The following NRCAM variants were observed in gnomAD, a reference collection of about 807,000 sequenced individuals.
NRCAM encodes the protein neuronal cell adhesion molecule.
NRCAM carries 83 observed loss-of-function variants against 156.5 expected under a neutral mutation model. That is an observed-to-expected ratio of 0.53 (90% confidence interval 0.44 to 0.64). The LOEUF (loss-of-function observed/expected upper bound fraction) is 0.64. Among genes scored for constraint, NRCAM ranks in the 30% least tolerant of loss-of-function variants. The pLI is 0.00. For synonymous variants in NRCAM, 538 were observed against 563.9 expected, an observed-to-expected ratio of 0.95 and a Z score of 0.65; for missense variants, 1,417 against 1,597.3, an observed-to-expected ratio of 0.89 and a Z score of 1.92.
chr7:108,184,076 T>A (rs556149648), intron 22 of NRCAM, among the ~76,000 whole-genome samples, 165 bp downstream of exon 22: 1 of 151,594 alleles, frequency 6.6e-6, no homozygotes, highest in East Asian at 2.0e-4. Flanking sequence ...AGCAACTATA[T>A]AATACTGCCT....
At chr7:108,264,600 G>T (rs1429954155) in intron 3 of NRCAM, among the ~76,000 whole-genome samples, 3 of 152,136 alleles carry the variant, frequency 2.0e-5, no homozygotes, top group Non-Finnish European at 4.4e-5. Flanking sequence ...ATCTTAACTG[G>T]CATCAATCGT....
intron 1 of NRCAM, among the ~76,000 whole-genome samples, chr7:108,439,358 T>C (rs1366644016): frequency 6.6e-6 from 1 of 152,152 alleles, no homozygotes; most frequent in African/African-American, 2.4e-5. Context: ...GGAACTTGTA[T>C]CCAGAAAATA....
intron 28 of NRCAM, 66 bp downstream of exon 28, chr7:108,175,256 C>T: frequency 1.5e-6 from 2 of 1,306,100 alleles, no homozygotes; most frequent in African/African-American, 1.5e-5. Context: ...ACCCATGCTG[C>T]ACTTCCCCAT....
In NRCAM at chr7:108,283,315, A is replaced by G. The variant is rs1382895564; in HGVS notation, c.-107+29350T>C. Among the ~76,000 whole-genome samples the G allele has an allele frequency of 2.0e-5, 3 of 152,242 alleles. No individual in the cohort carries two copies. In the East Asian group the frequency reaches 5.8e-4, roughly 29 times the overall value. On this transcript the variant is annotated intron_variant, in intron 3 of 32. Transcript: ENST00000379028. ...TGATTTGTGTGCTTTGCAACTAAGC[A>G]GAAAGTACAATTACATGAGTGATCA...
intron 1 of NRCAM, among the ~76,000 whole-genome samples, chr7:108,449,896 T>C (rs1848400961): frequency 6.9e-6 from 1 of 144,244 alleles, no homozygotes; most frequent in Non-Finnish European, 1.5e-5. Context: ...CAGATTGCCC[T>C]AGAAATAGAT....
chr7:108,209,869 A>C (rs1222588252), intron 11 of NRCAM, among the ~76,000 whole-genome samples: 1 of 152,200 alleles, frequency 6.6e-6, no homozygotes, highest in East Asian at 1.9e-4. Context: ...TGCTTTACTG[A>C]TGGGGCCTAA....
intron 2 of NRCAM, among the ~76,000 whole-genome samples, chr7:108,387,841 G>A (rs61706640): frequency 6.6e-6 from 1 of 151,848 alleles, no homozygotes; most frequent in Non-Finnish European, 1.5e-5. Context: ...AGTTTGCTGA[G>A]AATGATGGTT....
chr7:108,194,180 TAG>T lies in NRCAM; in HGVS notation c.1631-11_1631-10del. ...AACGATCCATGTAGGATCTGAAATG[TAG>T]AGTCATCGTTATCCATTTGGCAAAG... On this transcript the variant is annotated splice_polypyrimidine_tract_variant and intron_variant, in intron 16 of 32. Transcript: ENST00000379028. 2.5e-6 allele frequency: 4 copies of T among 1,613,516 alleles called. No individual in the cohort carries two copies.
chr7:108,184,762 G>C, intron 20 of NRCAM, 148 bp from the exon 21 acceptor site: 1 of 629,244 alleles, frequency 1.6e-6, no homozygotes, highest in East Asian at 2.8e-5. Flanking sequence ...AAAATATTTT[G>C]ATTTCAGAGT....
chr7:108,366,454 T>C (rs1459213365), intron 2 of NRCAM, among the ~76,000 whole-genome samples: 1 of 152,240 alleles, frequency 6.6e-6, no homozygotes, highest in Non-Finnish European at 1.5e-5. Flanking sequence ...ATGTGTTTCA[T>C]AAACAGAGGT....
chr7:108,197,324 T>C (rs1001474831), intron 14 of NRCAM, among the ~76,000 whole-genome samples: 2 of 152,120 alleles, frequency 1.3e-5, no homozygotes, highest in African/African-American at 2.4e-5. Context: ...GATGGTAATT[T>C]TGTTTGAAAA....
intron 2 of NRCAM, among the ~76,000 whole-genome samples, chr7:108,326,820 T>A (rs1270456815): frequency 6.6e-6 from 1 of 152,158 alleles, no homozygotes; most frequent in Non-Finnish European, 1.5e-5. Flanking sequence ...GTGGTGATGA[T>A]GCATAGCAAA....
At chr7:108,312,931 G>A (rs950614646) in intron 2 of NRCAM, among the ~76,000 whole-genome samples, 200 bp from the exon 3 acceptor site, 2 of 152,162 alleles carry the variant, frequency 1.3e-5, no homozygotes, top group African/African-American at 4.8e-5. Context: ...GCAGAGAAGT[G>A]ACCAGAACTC....
chr7:108,202,688 A>G (rs1314347917), intron 13 of NRCAM, among the ~76,000 whole-genome samples: 1 of 152,228 alleles, frequency 6.6e-6, no homozygotes, highest in Non-Finnish European at 1.5e-5. Flanking sequence ...TCCCAGGAAT[A>G]TCCTGGACCA....
chr7:108,261,376 A>G (rs2096882592), intron 3 of NRCAM, among the ~76,000 whole-genome samples: 1 of 152,232 alleles, frequency 6.6e-6, no homozygotes, highest in Non-Finnish European at 1.5e-5. Context: ...CAGTAAGTAG[A>G]TAGTATAGCT....
intron 1 of NRCAM, among the ~76,000 whole-genome samples, chr7:108,417,566 C>T (rs142946207): frequency 1.5e-3 from 235 of 152,248 alleles, no homozygotes; most frequent in African/African-American, 4.8e-3. Context: ...CTAACCCTAG[C>T]GAAAGAAAAC....
chr7:108,364,034 C>T (rs894162036), intron 2 of NRCAM, among the ~76,000 whole-genome samples: 2 of 152,092 alleles, frequency 1.3e-5, no homozygotes, highest in Admixed American at 6.6e-5. Flanking sequence ...ATAATGTATT[C>T]ATATTGATTC....
At chr7:108,281,074 AGCTTAAATTAAATT>A (rs2097843501) in intron 3 of NRCAM, among the ~76,000 whole-genome samples, 1 of 152,160 alleles carries the variant, frequency 6.6e-6, no homozygotes, top group Non-Finnish European at 1.5e-5. Context: ...TTCATATAAC[AGCTTAAATTAAATT>A]GCTTTTGAAT....
At chr7:108,361,423 C>A (rs193115308) in intron 2 of NRCAM, among the ~76,000 whole-genome samples, 14 of 152,300 alleles carry the variant, frequency 9.2e-5, no homozygotes, top group Admixed American at 8.5e-4. Context: ...TAAAGCCGAT[C>A]GCCCTCCCTA....
Sources: allele counts gnomAD v4.1 joint callset (sites outside exome capture counted in the v4.1 genomes callset), GRCh38; gene constraint gnomAD v4.1.1; transcripts MANE v1.5; gene names NCBI Gene and HGNC (gene_info 2026-07-23, HGNC 2026-07-21).